Variants in PRR16 observed in about 807,000 individuals in gnomAD.
The protein encoded by PRR16 is proline rich 16, also known as protein Largen.
In PRR16, 6 loss-of-function variants were observed where a neutral mutation model predicts 18.2. The ratio of observed to expected loss-of-function variants is 0.33; its 90% confidence interval spans 0.18 to 0.65. The LOEUF (loss-of-function observed/expected upper bound fraction) is 0.65. PRR16 is among the 30% of genes least tolerant of loss of function. PRR16 has a pLI of 0.74. For synonymous variants in PRR16, 151 were observed against 147.8 expected, an observed-to-expected ratio of 1.02 and a Z score of -0.16; for missense variants, 412 against 376.6, an observed-to-expected ratio of 1.09 and a Z score of -0.78.
chr5:120,601,168 G>A (rs1174182395), intron 1 of PRR16, among the ~76,000 whole-genome samples: 2 of 151,950 alleles, frequency 1.3e-5, no homozygotes, highest in African/African-American at 2.4e-5. Flanking sequence ...CCACAGTGGC[G>A]GAACTAATTT....
At chr5:120,611,489 A>C (rs1039861135) in intron 1 of PRR16, among the ~76,000 whole-genome samples, 1 of 152,150 alleles carries the variant, frequency 6.6e-6, no homozygotes, top group Non-Finnish European at 1.5e-5. Context: ...TGCTGTGTGC[A>C]GCCTAGGGAC....
chr5:120,600,875 T>C (rs1472066830), intron 1 of PRR16, among the ~76,000 whole-genome samples: 2 of 152,002 alleles, frequency 1.3e-5, no homozygotes, highest in Non-Finnish European at 2.9e-5. Flanking sequence ...GGCCTCCAGC[T>C]TGCATCCGTG....
At chr5:120,594,740 G>C (rs372575086) in intron 1 of PRR16, among the ~76,000 whole-genome samples, 2 of 152,180 alleles carry the variant, frequency 1.3e-5, no homozygotes, top group East Asian at 3.9e-4. Context: ...AAACAGCATG[G>C]TACTTGTACA....
chr5:120,724,320 T>A, the PRR16 span, among the ~76,000 whole-genome samples: 4 of 152,220 alleles, frequency 2.6e-5, no homozygotes, highest in East Asian at 7.7e-4. Flanking sequence ...AGCGTTCAAA[T>A]TCTAACTCTA....
intron 1 of PRR16, among the ~76,000 whole-genome samples, chr5:120,640,992 A>C (rs1353660155): frequency 6.6e-6 from 1 of 152,076 alleles, no homozygotes; most frequent in Non-Finnish European, 1.5e-5. Flanking sequence ...CAAAATTTTT[A>C]AGAAGAGGCG....
chr5:120,535,742 G>A (rs1021193161), intron 1 of PRR16, among the ~76,000 whole-genome samples: 1 of 152,074 alleles, frequency 6.6e-6, no homozygotes, highest in Non-Finnish European at 1.5e-5. Context: ...GGAGGTTGCA[G>A]TGAGCCAAGA....
chr5:120,754,215 TTATAATATATAA>T, the PRR16 span, among the ~76,000 whole-genome samples: 3 of 56,628 alleles, frequency 5.3e-5, no homozygotes, highest in Admixed American at 3.0e-4. Flanking sequence ...AAATTATATA[TTATAATATATAA>T]TATAATATAT....
At chr5:120,476,670 C>T (rs1307831332) in intron 1 of PRR16, among the ~76,000 whole-genome samples, 3 of 152,050 alleles carry the variant, frequency 2.0e-5, no homozygotes, top group African/African-American at 7.2e-5. Flanking sequence ...TCCTCCCCTA[C>T]CTCTCATATA....
In PRR16 at chr5:120,575,497, T is replaced by C. The variant is rs539512724; in HGVS notation, c.160-110457T>C. Among the ~76,000 whole-genome samples the C allele has an allele frequency of 3.0e-4, 46 of 152,278 alleles. 1 individual carries two copies. Among genetic ancestry groups the C allele is most frequent in the Middle Eastern group, 6.8e-3 (2 of 294 alleles). ...ATTAATCCCAAGGATGCAAAGTTTA[T>C]TCAGCATACTCAAACCAATAAACAT... On this transcript the variant is annotated intron_variant, in intron 1 of 1. Transcript: ENST00000407149.
chr5:120,728,669 T>C, the PRR16 span, among the ~76,000 whole-genome samples: 3 of 152,206 alleles, frequency 2.0e-5, no homozygotes, highest in African/African-American at 4.8e-5. Context: ...TACAGCGAAA[T>C]GCTTCATCTG....
chr5:120,518,916 G>A (rs1751083033), intron 1 of PRR16, among the ~76,000 whole-genome samples: 1 of 152,102 alleles, frequency 6.6e-6, no homozygotes, highest in African/African-American at 2.4e-5. Flanking sequence ...AAGGATGTTT[G>A]AGAACAAGAT....
At chr5:120,701,779 G>T in the PRR16 span, among the ~76,000 whole-genome samples, 15 of 152,222 alleles carry the variant, frequency 9.9e-5, no homozygotes, top group East Asian at 1.2e-3. Context: ...GTTGCACTGG[G>T]CACAGAGACT....
chr5:120,575,383 A>C (rs1220514513), intron 1 of PRR16, among the ~76,000 whole-genome samples: 1 of 150,474 alleles, frequency 6.6e-6, no homozygotes, highest in Non-Finnish European at 1.5e-5. Flanking sequence ...TCTCTGATGA[A>C]CATAGATGAA....
intron 1 of PRR16, among the ~76,000 whole-genome samples, chr5:120,568,737 T>A (rs902916025): frequency 1.3e-5 from 2 of 150,918 alleles, no homozygotes; most frequent in Admixed American, 6.6e-5. Context: ...TCAACACAAA[T>A]TTTTTTTAAG....
the PRR16 span, among the ~76,000 whole-genome samples, chr5:120,777,869 AAG>A: frequency 2.0e-5 from 3 of 152,122 alleles, no homozygotes; most frequent in Non-Finnish European, 4.4e-5. Flanking sequence ...ATGGAAGTAA[AAG>A]AGAAAATATT....
At chr5:120,748,971 A>G in the PRR16 span, among the ~76,000 whole-genome samples, 1 of 152,124 alleles carries the variant, frequency 6.6e-6, no homozygotes, top group Non-Finnish European at 1.5e-5. Context: ...CACTTTAAAC[A>G]ATTTTACTCC....
Position 120,661,814 on chromosome 5 carries a change from A to G in PRR16, c.160-24140A>G, listed in dbSNP as rs543406211. 4.6e-5 allele frequency among the ~76,000 whole-genome samples: 7 copies of G among 152,180 alleles called. No individual in the cohort carries two copies. The East Asian group carries it at 1.4e-3, about 29-fold the overall frequency. On this transcript the variant is annotated intron_variant, in intron 1 of 1. Coordinates refer to ENST00000407149, the MANE Select transcript of PRR16 (RefSeq NM_001300783.2). ...AGTACCCAAGACCCTGGAATTCCCC[A>G]ACCATTGTTTTAAAACACATTTCAA...
chr5:120,522,622 T>C (rs955596416), intron 1 of PRR16, among the ~76,000 whole-genome samples: 1 of 152,320 alleles, frequency 6.6e-6, no homozygotes, highest in Admixed American at 6.5e-5. Context: ...ATTCTGTAGG[T>C]TGAGATGGAG....
chr5:120,486,408 G>T (rs538695312), intron 1 of PRR16, among the ~76,000 whole-genome samples: 13 of 150,424 alleles, frequency 8.6e-5, no homozygotes, highest in African/African-American at 3.2e-4. Context: ...CAGTGATGAT[G>T]AGCATTTTTT....
Sources: allele counts gnomAD v4.1 joint callset (sites outside exome capture counted in the v4.1 genomes callset), GRCh38; gene constraint gnomAD v4.1.1; transcripts MANE v1.5; gene names NCBI Gene and HGNC (gene_info 2026-07-23, HGNC 2026-07-21).